Variants in NCALD observed in about 807,000 individuals in gnomAD.
NCALD encodes neurocalcin-delta.
In NCALD, 10 loss-of-function variants were observed where a neutral mutation model predicts 18.6. That is an observed-to-expected ratio of 0.54 (90% CI 0.33 to 0.91). The LOEUF (loss-of-function observed/expected upper bound fraction) is 0.91, where lower values mean the gene tolerates loss of function less well. NCALD is among the 40% of genes least tolerant of loss of function. The pLI is 0.03. For missense variants in NCALD, 184 were observed against 247.6 expected (o/e 0.74, Z 1.72); for synonymous variants, 88 against 87.4 (o/e 1.01, Z -0.04).
chr8:102,042,603 C>T (rs1388579367), intron 1 of NCALD, among the ~76,000 whole-genome samples: 1 of 151,898 alleles, frequency 6.6e-6, no homozygotes, highest in Non-Finnish European at 1.5e-5. Context: ...TGTGAGGTCA[C>T]ATCAGGTTAT....
rs188336437 is a variant in NCALD, at chr8:102,114,132, G to A, written c.-210+10105C>T. On this transcript the variant is annotated intron_variant, in intron 1 of 6. Transcript: ENST00000311028. ...CCCTGTAAGTGAAGGGCTGTCATTC[G>A]CTCATTTTATGGATGAGATGACTTC... Among the ~76,000 whole-genome samples, 50 of 152,286 alleles carry A rather than the reference G, an allele frequency of 3.3e-4. 1 individual carries two copies. The highest frequency in any genetic ancestry group is 3.2e-3 in the Admixed American group (49 of 15,300).
intron 1 of NCALD, among the ~76,000 whole-genome samples, chr8:102,084,934 A>G (rs892338743): frequency 1.3e-5 from 2 of 152,172 alleles, no homozygotes; most frequent in African/African-American, 4.8e-5. Context: ...GGAAGAATAG[A>G]AGTTCTGGGA....
At chr8:101,848,908 C>A (rs1350582900) in intron 4 of NCALD, among the ~76,000 whole-genome samples, 1 of 152,082 alleles carries the variant, frequency 6.6e-6, no homozygotes, top group Non-Finnish European at 1.5e-5. Context: ...GATACATGCA[C>A]ACGTATGTTC....
chr8:101,773,609 T>C (rs1042749192), intron 1 of NCALD, among the ~76,000 whole-genome samples: 7 of 152,116 alleles, frequency 4.6e-5, no homozygotes, highest in African/African-American at 1.2e-4. Flanking sequence ...AAAAGACCAA[T>C]GCCCAGGCCT....
chr8:102,065,414 T>C (rs1364554732), intron 1 of NCALD, among the ~76,000 whole-genome samples: 1 of 152,160 alleles, frequency 6.6e-6, no homozygotes, highest in Non-Finnish European at 1.5e-5. Flanking sequence ...AAGCTACCAA[T>C]AGATCCCCAG....
chr8:101,768,612 G>A (rs1811448185), intron 1 of NCALD, among the ~76,000 whole-genome samples: 1 of 152,052 alleles, frequency 6.6e-6, no homozygotes, highest in Non-Finnish European at 1.5e-5. Flanking sequence ...GGGAGGCTGA[G>A]GCACGAGAAT....
At chr8:102,116,236 A>T (rs1825780967) in intron 1 of NCALD, among the ~76,000 whole-genome samples, 2 of 152,204 alleles carry the variant, frequency 1.3e-5, no homozygotes, top group Non-Finnish European at 2.9e-5. Context: ...GTGCACATGT[A>T]CCCTAGAACT....
At chr8:101,934,179 G>C (rs1268053081) in intron 2 of NCALD, among the ~76,000 whole-genome samples, 2 of 152,134 alleles carry the variant, frequency 1.3e-5, no homozygotes, top group Non-Finnish European at 2.9e-5. Context: ...TCCTTAAGAA[G>C]ACTGCAGATA....
intron 1 of NCALD, among the ~76,000 whole-genome samples, chr8:102,039,337 T>C (rs560336948): frequency 1.3e-5 from 2 of 152,200 alleles, no homozygotes; most frequent in East Asian, 3.8e-4. Context: ...TGTTAGAATA[T>C]GGGTTGCTGA....
chr8:101,849,295 C>T (rs1563824865), intron 4 of NCALD, among the ~76,000 whole-genome samples: 1 of 152,096 alleles, frequency 6.6e-6, no homozygotes, highest in Non-Finnish European at 1.5e-5. Flanking sequence ...AGCAAACCAC[C>T]ATGGCACATG....
chr8:102,024,783 T>C (rs1822395448), intron 1 of NCALD, among the ~76,000 whole-genome samples: 1 of 152,156 alleles, frequency 6.6e-6, no homozygotes, highest in African/African-American at 2.4e-5. Flanking sequence ...CTTTAAGATT[T>C]CTCTTTCTCA....
At chr8:101,770,250 G>C (rs940219063) in intron 1 of NCALD, among the ~76,000 whole-genome samples, 1 of 152,128 alleles carries the variant, frequency 6.6e-6, no homozygotes, top group African/African-American at 2.4e-5. Flanking sequence ...GGTTTGAAGA[G>C]CTAAGGAACA....
chr8:102,108,508 C>T (rs1198293470), intron 1 of NCALD, among the ~76,000 whole-genome samples: 1 of 152,184 alleles, frequency 6.6e-6, no homozygotes, highest in South Asian at 2.1e-4. Flanking sequence ...GCAATGCACT[C>T]GTGAGACTTG....
intron 1 of NCALD, among the ~76,000 whole-genome samples, chr8:102,063,661 T>C (rs1416203321): frequency 2.0e-5 from 3 of 152,142 alleles, no homozygotes; most frequent in Non-Finnish European, 4.4e-5. Context: ...AAAACTACTC[T>C]TGAAAGCCTG....
At chr8:101,994,286 G>A (rs913003611) in intron 2 of NCALD, among the ~76,000 whole-genome samples, 2 of 152,102 alleles carry the variant, frequency 1.3e-5, no homozygotes, top group Non-Finnish European at 2.9e-5. Context: ...GTCCCAATCT[G>A]GTTCCAACAC....
At chr8:101,872,918 G>C (rs1041935920) in intron 4 of NCALD, among the ~76,000 whole-genome samples, 10 of 152,136 alleles carry the variant, frequency 6.6e-5, no homozygotes, top group Admixed American at 2.6e-4. Context: ...CACATCATAT[G>C]AGAGAGAGAC....
intron 4 of NCALD, among the ~76,000 whole-genome samples, chr8:101,813,087 A>G (rs1015259535): frequency 6.6e-6 from 1 of 152,122 alleles, no homozygotes; most frequent in Admixed American, 6.6e-5. Flanking sequence ...AGTGAACAAG[A>G]AAGACACAGA....
At chr8:101,821,666 A>C (rs1366391787) in intron 4 of NCALD, among the ~76,000 whole-genome samples, 1 of 152,150 alleles carries the variant, frequency 6.6e-6, no homozygotes, top group Non-Finnish European at 1.5e-5. Flanking sequence ...CTTCCAATCT[A>C]TTGGAAGTAA....
chr8:102,079,476 G>A (rs1364203195), intron 1 of NCALD, among the ~76,000 whole-genome samples: 1 of 151,104 alleles, frequency 6.6e-6, no homozygotes, highest in Non-Finnish European at 1.5e-5. Flanking sequence ...GGAAGGATGA[G>A]CACCTCCTGT....
Sources: gnomAD v4.1 joint callset for allele counts (sites outside exome capture counted in the v4.1 genomes callset) on GRCh38, gnomAD v4.1.1 for gene constraint, MANE v1.5 for transcripts, NCBI Gene and HGNC (gene_info 2026-07-23, HGNC 2026-07-21) for gene names.